Variants in L3MBTL4 observed in about 807,000 individuals in gnomAD.
L3MBTL4 encodes lethal(3)malignant brain tumor-like protein 4.
L3MBTL4 carries 70 observed loss-of-function variants against 84.5 expected under a neutral mutation model. The observed-to-expected ratio is 0.83, with a 90% CI of 0.68 to 1.01. L3MBTL4 has a LOEUF of 1.01. Ranked by LOEUF, L3MBTL4 falls within the 50% of genes least tolerant of loss-of-function variation. The probability of loss-of-function intolerance (pLI) is 0.00; values close to 1 mark genes in which losing one functional copy is unlikely to be tolerated. For synonymous variants in L3MBTL4, 274 were observed against 259.8 expected (o/e 1.05, Z -0.52); for missense variants, 715 against 754.8 (o/e 0.95, Z 0.62).
rs2053737589 is a variant in L3MBTL4, at chr18:5,992,276, T to C, written c.1445-22714A>G. ...CAGAAGCCTGTTAGGCAGACGGGGC[T>C]TGAGGTCTTTCAGGCAGAGGTACAC... On this transcript the variant is annotated intron_variant, in intron 16 of 18. Transcript: ENST00000317931. Among the ~76,000 whole-genome samples, 3 of 152,076 alleles carry C rather than the reference T, an allele frequency of 2.0e-5. No homozygotes were observed. In the South Asian group the frequency reaches 6.2e-4, roughly 32 times the overall value.
chr18:5,968,909 G>A (rs1166079292), intron 17 of L3MBTL4, among the ~76,000 whole-genome samples: 4 of 152,104 alleles, frequency 2.6e-5, no homozygotes, highest in Admixed American at 2.0e-4. Context: ...CTGCAGCAGG[G>A]GCCTGCTCTG....
chr18:6,192,293 G>T (rs2045145333), intron 12 of L3MBTL4, among the ~76,000 whole-genome samples: 1 of 152,182 alleles, frequency 6.6e-6, no homozygotes, highest in African/African-American at 2.4e-5. Flanking sequence ...GATGGAAATT[G>T]TCTTACGGAA....
At chr18:6,160,731 CAAA>C (rs560903489) in intron 13 of L3MBTL4, among the ~76,000 whole-genome samples, 1 of 48,454 alleles carries the variant, frequency 2.1e-5, no homozygotes, top group Admixed American at 2.3e-4. Context: ...AGATCCGTCT[CAAA>C]AAAAAAAAAA....
At chr18:5,967,802 C>T (rs1487594678) in intron 17 of L3MBTL4, among the ~76,000 whole-genome samples, 1 of 152,132 alleles carries the variant, frequency 6.6e-6, no homozygotes, top group Non-Finnish European at 1.5e-5. Context: ...AAGAACAGGC[C>T]GGGGCAGCAG....
At chr18:5,986,942 T>G (rs867986579) in intron 16 of L3MBTL4, among the ~76,000 whole-genome samples, 1 of 152,228 alleles carries the variant, frequency 6.6e-6, no homozygotes, top group Non-Finnish European at 1.5e-5. Context: ...GAATTACTCC[T>G]TTTTCTGTTT....
intron 14 of L3MBTL4, among the ~76,000 whole-genome samples, chr18:6,130,892 T>C (rs1044059680): frequency 7.9e-5 from 12 of 152,194 alleles, no homozygotes; most frequent in African/African-American, 2.2e-4. Flanking sequence ...ATGCAATTTA[T>C]TTCAAATAAT....
intron 16 of L3MBTL4, chr18:6,046,857 T>C: frequency 1.5e-6 from 1 of 672,200 alleles, no homozygotes; most frequent in Non-Finnish European, 2.7e-6. Flanking sequence ...GAAAAACAAG[T>C]ATAAACTAAC....
chr18:6,329,482 G>A (rs1568501559), intron 1 of L3MBTL4, among the ~76,000 whole-genome samples: 1 of 152,026 alleles, frequency 6.6e-6, no homozygotes, highest in African/African-American at 2.4e-5. Flanking sequence ...CTCTAGAAAT[G>A]GAATTACAGA....
chr18:6,215,745 C>A lies in L3MBTL4; in HGVS notation c.870+5G>T. 6.3e-7 allele frequency: 1 copy of A among 1,581,614 alleles called. No individual in the cohort carries two copies. Among genetic ancestry groups the A allele is most frequent in the Non-Finnish European group, 8.6e-7 (1 of 1,157,810 alleles). ...GGTGAGAGTTTGTACCCACATAGAA[C>A]TTACCATTTTAAAAACTTTGGCAGG... is the stretch of plus-strand genomic sequence containing the variant. On this transcript the variant is annotated splice_donor_5th_base_variant and intron_variant, in intron 11 of 18. Coordinates refer to ENST00000317931, the MANE Select transcript of L3MBTL4 (RefSeq NM_001330559.2).
At chr18:5,989,331 T>A (rs1443976650) in intron 16 of L3MBTL4, among the ~76,000 whole-genome samples, 1 of 152,192 alleles carries the variant, frequency 6.6e-6, no homozygotes, top group Non-Finnish European at 1.5e-5. Context: ...ACTAGCACAA[T>A]ATCCTGAAAA....
chr18:6,239,629 G>T, intron 9 of L3MBTL4, 89 bp downstream of exon 9: 1 of 1,335,056 alleles, frequency 7.5e-7, no homozygotes, highest in Non-Finnish European at 1.1e-6. Context: ...TATTAGAAGA[G>T]CAAAAACAGC....
chr18:6,328,402 C>A lies in L3MBTL4; in HGVS notation c.-90-16346G>T, dbSNP rs182981668. ...TGAGAAGGACAGACTATACTCATTACAACAGATTTTCCAACAAATGCCTCT... is the reference window on the plus strand; with the variant it reads ...TGAGAAGGACAGACTATACTCATTAAAACAGATTTTCCAACAAATGCCTCT... On this transcript the variant is annotated intron_variant, in intron 1 of 18. Coordinates refer to ENST00000317931, the MANE Select transcript of L3MBTL4 (RefSeq NM_001330559.2). Among the ~76,000 whole-genome samples, 20 of 152,292 alleles carry A rather than the reference C, an allele frequency of 1.3e-4. No individual in the cohort carries two copies. In the East Asian group the frequency reaches 3.9e-3, roughly 29 times the overall value.
At chr18:6,120,101 A>G (rs946342580) in intron 14 of L3MBTL4, among the ~76,000 whole-genome samples, 2 of 152,202 alleles carry the variant, frequency 1.3e-5, no homozygotes, top group African/African-American at 4.8e-5. Flanking sequence ...CTGAAACAGC[A>G]CAGATGTGTT....
chr18:6,130,447 C>A (rs981249206), intron 14 of L3MBTL4, among the ~76,000 whole-genome samples: 1 of 152,158 alleles, frequency 6.6e-6, no homozygotes, highest in South Asian at 2.1e-4. Flanking sequence ...TACCCGCCCC[C>A]CCAACTTCTG....
chr18:6,138,151 T>C (rs775573250), intron 14 of L3MBTL4, 43 bp downstream of exon 14: 30 of 1,353,492 alleles, frequency 2.2e-5, no homozygotes, highest in Middle Eastern at 3.6e-4. Flanking sequence ...CTGCAGAATG[T>C]TTCCATTCAT....
intron 13 of L3MBTL4, among the ~76,000 whole-genome samples, chr18:6,157,570 C>T (rs2043154597): frequency 6.6e-6 from 1 of 152,058 alleles, no homozygotes; most frequent in Non-Finnish European, 1.5e-5. Flanking sequence ...ATTTACAAGT[C>T]ATTCTGTTGT....
At chr18:6,017,673 T>A (rs1567988029) in intron 16 of L3MBTL4, 1 of 152,194 alleles carries the variant, frequency 6.6e-6, no homozygotes, top group African/African-American at 2.4e-5. Context: ...AGCGCTCTGA[T>A]CAGAGGAAAG....
intron 12 of L3MBTL4, among the ~76,000 whole-genome samples, chr18:6,198,580 A>G (rs188742206): frequency 6.6e-6 from 1 of 152,298 alleles, no homozygotes; most frequent in Admixed American, 6.5e-5. Flanking sequence ...CTGTTTCTCC[A>G]TTCCAAGCCA....
chr18:6,015,021 AG>A (rs1251776822), intron 16 of L3MBTL4, among the ~76,000 whole-genome samples: 2 of 151,908 alleles, frequency 1.3e-5, no homozygotes, highest in Non-Finnish European at 2.9e-5. Context: ...GAGATCAGGG[AG>A]GAAGGGGAGG....
Sources: gnomAD v4.1 joint callset for allele counts (sites outside exome capture counted in the v4.1 genomes callset) on GRCh38, gnomAD v4.1.1 for gene constraint, MANE v1.5 for transcripts, NCBI Gene and HGNC (gene_info 2026-07-23, HGNC 2026-07-21) for gene names.